The following LRP1B variants were observed in gnomAD, a reference collection of about 807,000 sequenced individuals.
LRP1B encodes the protein low-density lipoprotein receptor-related protein 1B.
A neutral mutation model predicts 556.6 loss-of-function variants in LRP1B; 217 were observed. That is an observed-to-expected ratio of 0.39 (90% CI 0.35 to 0.44). The LOEUF (loss-of-function observed/expected upper bound fraction) is 0.44, where lower values mean the gene tolerates loss of function less well. Ranked by LOEUF, LRP1B falls within the 20% of genes least tolerant of loss-of-function variation. The probability of loss-of-function intolerance (pLI) is 1.00; values close to 1 mark genes in which losing one functional copy is unlikely to be tolerated. For missense variants in LRP1B, 5,053 were observed against 5,620.8 expected, an observed-to-expected ratio of 0.90 and a Z score of 3.23; for synonymous variants, 2,047 against 1,865.8, an observed-to-expected ratio of 1.10 and a Z score of -2.50.
chr2:141,889,558 G>T (rs1699221008), intron 1 of LRP1B, among the ~76,000 whole-genome samples: 1 of 152,136 alleles, frequency 6.6e-6, no homozygotes, highest in Admixed American at 6.6e-5. Flanking sequence ...GAATAGGGCA[G>T]ATTATGCCTC....
chr2:140,577,531 C>T (rs961144031), intron 43 of LRP1B, among the ~76,000 whole-genome samples: 1 of 151,900 alleles, frequency 6.6e-6, no homozygotes, highest in Non-Finnish European at 1.5e-5. Flanking sequence ...ATCTTCCCAC[C>T]TCAGCCTCCT....
intron 2 of LRP1B, among the ~76,000 whole-genome samples, chr2:141,690,680 G>C (rs539316839): frequency 6.6e-6 from 1 of 150,584 alleles, no homozygotes; most frequent in Non-Finnish European, 1.5e-5. Flanking sequence ...CCTAAAACTG[G>C]CACTCTGATA....
chr2:141,958,173 G>A lies in LRP1B; in HGVS notation c.83-147772C>T, dbSNP rs192130940. Among the ~76,000 whole-genome samples, 162 of 152,078 alleles carry A rather than the reference G, an allele frequency of 1.1e-3. 2 individuals carry two copies. The Middle Eastern group carries it at 0.014, about 13-fold the overall frequency. On this transcript the variant is annotated intron_variant, in intron 1 of 90. Coordinates refer to ENST00000389484, the MANE Select transcript of LRP1B (RefSeq NM_018557.3). ...TGTGGGCAGAATTTCTTCTTTTAGC[G>A]TCACCCTGGTAAACAAAACTACTTG... is the stretch of plus-strand genomic sequence containing the variant.
At chr2:141,010,504 C>T (rs961260343) in intron 14 of LRP1B, among the ~76,000 whole-genome samples, 5 of 151,608 alleles carry the variant, frequency 3.3e-5, no homozygotes, top group Non-Finnish European at 4.4e-5. Context: ...TGGTATATTC[C>T]AAGTAATTTG....
intron 6 of LRP1B, among the ~76,000 whole-genome samples, chr2:141,211,403 C>T (rs924848840): frequency 1.3e-5 from 2 of 151,148 alleles, no homozygotes; most frequent in Non-Finnish European, 2.9e-5. Context: ...AGGTGGATCA[C>T]GAGGTCAGGA....
chr2:141,717,727 T>C (rs1692659074), intron 2 of LRP1B, among the ~76,000 whole-genome samples: 1 of 152,214 alleles, frequency 6.6e-6, no homozygotes, highest in South Asian at 2.1e-4. Flanking sequence ...CTGTATATCA[T>C]TAATTAATAA....
intron 11 of LRP1B, among the ~76,000 whole-genome samples, chr2:141,047,078 AT>A (rs1284166790): frequency 1.7e-4 from 3 of 17,808 alleles, no homozygotes; most frequent in Non-Finnish European, 5.5e-4. Context: ...AATAATAATA[AT>A]AATAATAAAT....
At chr2:140,316,279 A>C (rs2105039752) in intron 82 of LRP1B, among the ~76,000 whole-genome samples, 1 of 152,208 alleles carries the variant, frequency 6.6e-6, no homozygotes, top group South Asian at 2.1e-4. Context: ...TAAAATCAAA[A>C]CAATTTATGA....
intron 41 of LRP1B, among the ~76,000 whole-genome samples, chr2:140,622,529 A>T (rs1683491972): frequency 6.6e-6 from 1 of 152,178 alleles, no homozygotes; most frequent in East Asian, 1.9e-4. Flanking sequence ...TCAGTATTCA[A>T]CGGCTGAGGT....
At chr2:141,390,203 C>T (rs1486454119) in intron 3 of LRP1B, among the ~76,000 whole-genome samples, 1 of 151,954 alleles carries the variant, frequency 6.6e-6, no homozygotes, top group Non-Finnish European at 1.5e-5. Context: ...TGCTCAACAT[C>T]ATTCATCATA....
intron 76 of LRP1B, among the ~76,000 whole-genome samples, chr2:140,352,491 A>T (rs535607874): frequency 6.6e-6 from 1 of 152,224 alleles, no homozygotes; most frequent in African/African-American, 2.4e-5. Flanking sequence ...TAATCTTTTT[A>T]AAAAATAATA....
At chr2:140,604,119 G>A (rs1441467) in intron 41 of LRP1B, among the ~76,000 whole-genome samples, 7,836 of 151,574 alleles carry the variant, frequency 0.052, 338 homozygotes, top group East Asian at 0.23. Context: ...ATTGAGCAGA[G>A]TAAATCAATA....
chr2:140,853,736 A>T (rs16844892), intron 27 of LRP1B, among the ~76,000 whole-genome samples: 153 of 152,320 alleles, frequency 1.0e-3, no homozygotes, highest in African/African-American at 3.2e-3. Context: ...TCATTCTCCT[A>T]AGAAAATTAA....
rs75009429 is a variant in LRP1B, at chr2:140,883,755, A to G, written c.4169+62T>C. ...ATAATTGATGAGATAATTAAATTCAATGTTAAATTGAAAGACTATTTTTTA... is the reference window on the plus strand; with the variant it reads ...ATAATTGATGAGATAATTAAATTCAGTGTTAAATTGAAAGACTATTTTTTA... On this transcript the variant is annotated intron_variant, in intron 25 of 90. Transcript: ENST00000389484. The G allele has an allele frequency of 5.0e-3, 7,381 of 1,473,846 alleles. 297 individuals are homozygous for G. In the African/African-American group the frequency reaches 0.09, roughly 18 times the overall value. The allele number at this position is 1,473,846 out of a possible 1,614,324, so 91.3% of individuals were successfully genotyped here.
intron 8 of LRP1B, among the ~76,000 whole-genome samples, chr2:141,061,126 A>C (rs1212195549): frequency 6.6e-6 from 1 of 151,738 alleles, no homozygotes; most frequent in Non-Finnish European, 1.5e-5. Context: ...TTTTTGGGGC[A>C]GTTGAAGGTG....
At chr2:141,039,245 A>C (rs1274060602) in intron 11 of LRP1B, among the ~76,000 whole-genome samples, 3 of 152,116 alleles carry the variant, frequency 2.0e-5, no homozygotes, top group Admixed American at 6.6e-5. Flanking sequence ...AAGAGTGAGT[A>C]CAGTACAGTA....
chr2:140,324,041 A>G lies in LRP1B; in HGVS notation c.12366T>C (p.Asp4122=), dbSNP rs1680317192. ...KQGLLHPHRI[D]IFEDYIYGAG... Reference sequence around the variant, plus strand: ...CTCCATATATATAATCTTCAAAGATATCGATCCTATGTGGATGTAATAAAC... The same window carrying G: ...CTCCATATATATAATCTTCAAAGATGTCGATCCTATGTGGATGTAATAAAC... The change falls in exon 81 of 91, where the codon GAT becomes GAC. Residue 4122 remains aspartate, a synonymous_variant. Coordinates refer to ENST00000389484, the MANE Select transcript of LRP1B (RefSeq NM_018557.3). 1 of 1,609,122 alleles carries G rather than the reference A, an allele frequency of 6.2e-7. No individual in the cohort carries two copies. Among genetic ancestry groups the G allele is most frequent in the Admixed American group, 1.7e-5 (1 of 59,820 alleles).
intron 1 of LRP1B, among the ~76,000 whole-genome samples, chr2:141,814,495 T>C (rs1003626074): frequency 5.3e-5 from 8 of 152,182 alleles, no homozygotes; most frequent in Admixed American, 5.2e-4. Context: ...TAGAATGTTA[T>C]TGCAATCATC....
intron 25 of LRP1B, among the ~76,000 whole-genome samples, chr2:140,871,628 T>C (rs796780958): frequency 5.7e-4 from 87 of 152,266 alleles, no homozygotes; most frequent in African/African-American, 2.0e-3. Context: ...AATTTCAGTT[T>C]CATGGAGATG....
Sources: gnomAD v4.1 joint callset for allele counts (sites outside exome capture counted in the v4.1 genomes callset) on GRCh38, gnomAD v4.1.1 for gene constraint, MANE v1.5 for transcripts, NCBI Gene and HGNC (gene_info 2026-07-23, HGNC 2026-07-21) for gene names.